The following SHISA9 variants were observed in gnomAD, a reference collection of about 807,000 sequenced individuals.
SHISA9 encodes the protein protein shisa-9.
A neutral mutation model predicts 38.0 loss-of-function variants in SHISA9; 13 were observed. The observed-to-expected ratio is 0.34, with a 90% CI of 0.22 to 0.54. The LOEUF (loss-of-function observed/expected upper bound fraction) is 0.54. SHISA9 is among the 20% of genes least tolerant of loss of function. SHISA9 has a pLI of 0.91. For missense variants in SHISA9, 538 were observed against 575.8 expected, an observed-to-expected ratio of 0.93 and a Z score of 0.67; for synonymous variants, 275 against 242.0, an observed-to-expected ratio of 1.14 and a Z score of -1.27.
At chr16:13,212,342 A>G (rs1260879745) in intron 3 of SHISA9, among the ~76,000 whole-genome samples, 3 of 152,200 alleles carry the variant, frequency 2.0e-5, no homozygotes, top group Non-Finnish European at 2.9e-5. Flanking sequence ...CCAATCTTAC[A>G]GAGAACTATC....
chr16:12,912,116 C>T (rs1464291314), intron 1 of SHISA9, among the ~76,000 whole-genome samples: 1 of 151,966 alleles, frequency 6.6e-6, no homozygotes, highest in African/African-American at 2.4e-5. Flanking sequence ...AGCATCAATA[C>T]ACGTAAGACC....
At chr16:13,142,157 T>G (rs1032312289) in intron 2 of SHISA9, among the ~76,000 whole-genome samples, 1 of 152,204 alleles carries the variant, frequency 6.6e-6, no homozygotes, top group Non-Finnish European at 1.5e-5. Flanking sequence ...TGGGTATGAC[T>G]CTAGGTCTCT....
chr16:13,286,646 T>G, the SHISA9 span, among the ~76,000 whole-genome samples: 1 of 152,218 alleles, frequency 6.6e-6, no homozygotes, highest in African/African-American at 2.4e-5. Flanking sequence ...AGAGCTTTGA[T>G]GTGTGTTTGT....
At chr16:13,081,851 CAA>C (rs35913412) in intron 2 of SHISA9, among the ~76,000 whole-genome samples, 30 of 85,962 alleles carry the variant, frequency 3.5e-4, no homozygotes, top group Admixed American at 5.1e-4. Context: ...GACTCCATCT[CAA>C]AAAAAAAAAA....
the SHISA9 span, among the ~76,000 whole-genome samples, chr16:13,475,620 C>G: frequency 6.6e-6 from 1 of 152,134 alleles, no homozygotes; most frequent in Admixed American, 6.5e-5. Context: ...TTCCACAAAC[C>G]CAGGTTGTTG....
At chr16:13,493,887 C>A in the SHISA9 span, among the ~76,000 whole-genome samples, 4 of 151,992 alleles carry the variant, frequency 2.6e-5, no homozygotes, top group Non-Finnish European at 5.9e-5. Context: ...TATAATTGGG[C>A]AGAGAATCAG....
chr16:13,488,979 G>A, the SHISA9 span, among the ~76,000 whole-genome samples: 1 of 152,030 alleles, frequency 6.6e-6, no homozygotes, highest in Non-Finnish European at 1.5e-5. Flanking sequence ...TTCACCACGT[G>A]AGCCAGGATG....
chr16:13,320,292 C>CAAAAAAA, the SHISA9 span, among the ~76,000 whole-genome samples: 1,305 of 38,926 alleles, frequency 0.034, 255 homozygotes, highest in East Asian at 0.053. Context: ...GACTCTGTCT[C>CAAAAAAA]AAAAAAAAAA....
In SHISA9 at chr16:13,212,372, T is replaced by G. The variant is rs547008162; in HGVS notation, c.848-881T>G. On this transcript the variant is annotated intron_variant, in intron 3 of 4. Transcript: ENST00000558583. ...ACTATCAAAGAAAATGCGAGGTTGG[T>G]GGGGGTTGGGTTGGGTATAGCCTTG... Among the ~76,000 whole-genome samples the G allele has an allele frequency of 1.3e-3, 197 of 152,160 alleles. 1 individual carries two copies. Among genetic ancestry groups the G allele is most frequent in the African/African-American group, 4.6e-3 (192 of 41,516 alleles).
intron 2 of SHISA9, among the ~76,000 whole-genome samples, chr16:13,001,422 A>G (rs2141841859): frequency 6.6e-6 from 1 of 152,258 alleles, no homozygotes; most frequent in East Asian, 1.9e-4. Context: ...TCCTCTCCTG[A>G]GACCCCCTGG....
the SHISA9 span, among the ~76,000 whole-genome samples, chr16:13,300,981 CTT>C: frequency 1.3e-5 from 2 of 151,928 alleles, no homozygotes; most frequent in African/African-American, 4.8e-5. Context: ...TCCTGTGACT[CTT>C]TTCTTTCCTT....
the SHISA9 span, among the ~76,000 whole-genome samples, chr16:13,268,684 G>A: frequency 1.3e-5 from 2 of 152,176 alleles, no homozygotes; most frequent in East Asian, 3.9e-4. Flanking sequence ...AGTGTAGTGG[G>A]CACAATTTCT....
the SHISA9 span, among the ~76,000 whole-genome samples, chr16:13,467,266 T>C: frequency 1.3e-5 from 2 of 152,150 alleles, no homozygotes; most frequent in Non-Finnish European, 2.9e-5. Flanking sequence ...GGGGGCCCAG[T>C]TGGGACAACA....
the SHISA9 span, among the ~76,000 whole-genome samples, chr16:13,330,126 G>A: frequency 4.6e-5 from 7 of 152,216 alleles, no homozygotes; most frequent in Admixed American, 2.6e-4. Flanking sequence ...CTATATGGCC[G>A]AGGGGCCATT....
At chr16:12,958,036 T>G (rs1305838526) in intron 2 of SHISA9, among the ~76,000 whole-genome samples, 2 of 152,216 alleles carry the variant, frequency 1.3e-5, no homozygotes, top group African/African-American at 2.4e-5. Flanking sequence ...GTGGTGCACA[T>G]TCAGTTCATA....
Position 13,234,987 on chromosome 16 carries a change from TTCTC to T in SHISA9, c.896-41_896-38del, listed in dbSNP as rs988602672. 2.7e-6 allele frequency: 4 copies of T among 1,490,468 alleles called. No homozygotes were observed. The East Asian group carries it at 1.0e-4, about 37-fold the overall frequency. The allele number at this position is 1,490,468 out of a possible 1,614,324, so 92.3% of individuals were successfully genotyped here. On this transcript the variant is annotated intron_variant, in intron 4 of 4. Coordinates refer to ENST00000558583, the MANE Select transcript of SHISA9 (RefSeq NM_001145204.3). The stretch of plus-strand genomic sequence containing the variant: ...CTCTCTCTCTCTCTCTCTCTCTCTC[TTCTC>T]TTTCTTCCCCTTCTTCATCCACCCG...
chr16:13,017,005 T>G (rs558333866), intron 2 of SHISA9, among the ~76,000 whole-genome samples: 13 of 151,612 alleles, frequency 8.6e-5, no homozygotes, highest in African/African-American at 3.1e-4. Context: ...TTCTTCTTCT[T>G]TTTTGTTTCT....
At chr16:13,392,916 C>T in the SHISA9 span, among the ~76,000 whole-genome samples, 6 of 152,228 alleles carry the variant, frequency 3.9e-5, no homozygotes, top group African/African-American at 1.4e-4. Flanking sequence ...ATTTTGTTGA[C>T]ACCTTGATTT....
chr16:13,357,097 G>A, the SHISA9 span, among the ~76,000 whole-genome samples: 5 of 152,038 alleles, frequency 3.3e-5, no homozygotes, highest in African/African-American at 4.8e-5. Flanking sequence ...AGGGGTGGAG[G>A]GTTCTTGCCC....
Sources: allele counts gnomAD v4.1 joint callset (sites outside exome capture counted in the v4.1 genomes callset), GRCh38; gene constraint gnomAD v4.1.1; transcripts MANE v1.5; gene names NCBI Gene and HGNC (gene_info 2026-07-23, HGNC 2026-07-21).